The following AFG1L variants were observed in gnomAD, a reference collection of about 807,000 sequenced individuals.
The protein encoded by AFG1L is AFG1 like ATPase.
AFG1L carries 53 observed loss-of-function variants against 62.2 expected under a neutral mutation model. That is an observed-to-expected ratio of 0.85 (90% CI 0.68 to 1.07). AFG1L has a LOEUF of 1.07. Among genes scored for constraint, AFG1L ranks in the 50% least tolerant of loss-of-function variants. The pLI, the probability that AFG1L is intolerant of heterozygous loss-of-function variation, is 0.00. For synonymous variants in AFG1L, 228 were observed against 210.3 expected, an observed-to-expected ratio of 1.08 and a Z score of -0.73; for missense variants, 555 against 590.5, an observed-to-expected ratio of 0.94 and a Z score of 0.62.
intron 2 of AFG1L, among the ~76,000 whole-genome samples, chr6:108,342,218 C>T (rs1185554491): frequency 1.3e-5 from 2 of 152,128 alleles, no homozygotes; most frequent in Admixed American, 6.5e-5. Flanking sequence ...AGGAATGCCT[C>T]CCACAGGCTG....
At chr6:108,359,562 G>A (rs113133002) in intron 5 of AFG1L, 2,873 of 152,250 alleles carry the variant, frequency 0.019, 46 homozygotes, top group Middle Eastern at 0.071. Context: ...CCCTTATTCC[G>A]TATCACAGGA....
intron 8 of AFG1L, among the ~76,000 whole-genome samples, chr6:108,457,603 G>T (rs1772301913): frequency 6.6e-6 from 1 of 151,364 alleles, no homozygotes; most frequent in African/African-American, 2.4e-5. Flanking sequence ...CATTACTTTT[G>T]CTTAAACAGT....
At chr6:108,314,567 CT>C (rs1188824728) in intron 1 of AFG1L, among the ~76,000 whole-genome samples, 1 of 151,874 alleles carries the variant, frequency 6.6e-6, no homozygotes, top group Non-Finnish European at 1.5e-5. Flanking sequence ...CGGCTAATTT[CT>C]TTTGTGTTTT....
intron 2 of AFG1L, among the ~76,000 whole-genome samples, chr6:108,332,975 A>G (rs1399211637): frequency 6.6e-6 from 1 of 152,226 alleles, no homozygotes; most frequent in Non-Finnish European, 1.5e-5. Flanking sequence ...ATTAAAAAGA[A>G]AATAAAAAAG....
intron 8 of AFG1L, among the ~76,000 whole-genome samples, chr6:108,466,795 C>CTA (rs1021957201): frequency 9.4e-4 from 138 of 147,256 alleles, no homozygotes; most frequent in Admixed American, 3.7e-3. Context: ...ATATTTTAAA[C>CTA]TATATATATA....
intron 7 of AFG1L, among the ~76,000 whole-genome samples, chr6:108,408,385 C>T (rs977811506): frequency 6.6e-5 from 10 of 152,126 alleles, no homozygotes; most frequent in African/African-American, 1.9e-4. Context: ...GTTCTTTGCC[C>T]AACTCTGCAT....
chr6:108,525,203 A>AGTT lies in AFG1L; in HGVS notation c.*2779_*2780insTTG, dbSNP rs1775280373. 1 of 152,210 alleles carries AGTT rather than the reference A, an allele frequency of 6.6e-6. No homozygotes were observed. The highest frequency in any genetic ancestry group is 1.5e-5 in the Non-Finnish European group (1 of 68,036). The allele number at this position is 152,210 out of a possible 1,614,324, so 9.4% of individuals were successfully genotyped here. A position where few individuals can be genotyped will look rare whatever the true frequency, so the allele number is the denominator to read the frequency against. ...GATGACTAGTTCCCAGACTTAACAG[A>AGTT]GGTCAAGCGGAGAAAAAGGAAAACT... On this transcript the variant is annotated 3_prime_UTR_variant, in exon 13 of 13. Coordinates refer to ENST00000368977, the MANE Select transcript of AFG1L (RefSeq NM_145315.5).
intron 1 of AFG1L, among the ~76,000 whole-genome samples, chr6:108,306,836 T>G (rs895922713): frequency 2.0e-5 from 3 of 152,208 alleles, no homozygotes; most frequent in African/African-American, 7.2e-5. Flanking sequence ...CCTTCAAGTA[T>G]GGTCAGCCTA....
intron 7 of AFG1L, among the ~76,000 whole-genome samples, chr6:108,437,344 C>A (rs970618408): frequency 6.6e-6 from 1 of 152,238 alleles, no homozygotes; most frequent in Middle Eastern, 3.4e-3. Context: ...GTAATTGTCC[C>A]AGATTACTTT....
chr6:108,428,235 A>G (rs186788995), intron 7 of AFG1L, among the ~76,000 whole-genome samples: 322 of 152,330 alleles, frequency 2.1e-3, no homozygotes, highest in African/African-American at 7.4e-3. Flanking sequence ...TTCACTTGGA[A>G]TAATGGCCTT....
chr6:108,471,933 G>C (rs1327638897), intron 8 of AFG1L, among the ~76,000 whole-genome samples: 1 of 152,114 alleles, frequency 6.6e-6, no homozygotes, highest in Non-Finnish European at 1.5e-5. Context: ...ATGTTAAAAA[G>C]TATCTAAGGA....
At chr6:108,342,893 C>A (rs1284302313) in intron 2 of AFG1L, among the ~76,000 whole-genome samples, 1 of 151,902 alleles carries the variant, frequency 6.6e-6, no homozygotes, top group Non-Finnish European at 1.5e-5. Flanking sequence ...AGGATCTTTT[C>A]TTTGGCACAG....
Position 108,353,968 on chromosome 6 carries a change from G to T in AFG1L, c.416-1686G>T, listed in dbSNP as rs191956953. On this transcript the variant is annotated intron_variant, in intron 3 of 12. Coordinates refer to ENST00000368977, the MANE Select transcript of AFG1L (RefSeq NM_145315.5). ...AAGGAAACCCAAAAGATAAGACTTA[G>T]ATCTTCCTACTTTCTGAAGTGCCTT... Among the ~76,000 whole-genome samples, 217 of 152,288 alleles carry T rather than the reference G, an allele frequency of 1.4e-3. 9 individuals are homozygous for T. Among genetic ancestry groups the T allele is most frequent in the Admixed American group, 0.013 (192 of 15,294 alleles).
intron 6 of AFG1L, among the ~76,000 whole-genome samples, chr6:108,400,564 TAA>T (rs552703175): frequency 1.9e-3 from 267 of 138,486 alleles, no homozygotes; most frequent in African/African-American, 6.8e-3. Flanking sequence ...TATATTTATA[TAA>T]ATATATATTT....
intron 3 of AFG1L, among the ~76,000 whole-genome samples, chr6:108,352,438 A>G (rs1255249036): frequency 6.6e-6 from 1 of 152,230 alleles, no homozygotes; most frequent in Non-Finnish European, 1.5e-5. Context: ...AAAATGGTGT[A>G]GCATTTGCAT....
chr6:108,411,933 G>A (rs1782137115), intron 7 of AFG1L, among the ~76,000 whole-genome samples: 2 of 152,336 alleles, frequency 1.3e-5, no homozygotes, highest in South Asian at 2.1e-4. Flanking sequence ...GAGAGAAGAA[G>A]CCTTCAGACA....
At chr6:108,400,409 A>G (rs1184086031) in intron 6 of AFG1L, among the ~76,000 whole-genome samples, 1 of 151,046 alleles carries the variant, frequency 6.6e-6, no homozygotes, top group Non-Finnish European at 1.5e-5. Flanking sequence ...AGGGATATTG[A>G]GCTTTATCAG....
intron 10 of AFG1L, among the ~76,000 whole-genome samples, chr6:108,485,656 ATTTTTTTTTTTTT>A (rs397842829): frequency 4.8e-4 from 12 of 25,024 alleles, no homozygotes; most frequent in Admixed American, 1.7e-3. Flanking sequence ...ATATATATAT[ATTTTTTTTTTTTT>A]TTTTTTTTTT....
At chr6:108,436,957 G>A (rs1771339414) in intron 7 of AFG1L, among the ~76,000 whole-genome samples, 1 of 152,150 alleles carries the variant, frequency 6.6e-6, no homozygotes, top group Non-Finnish European at 1.5e-5. Flanking sequence ...TAAGATGAGG[G>A]CACCAGCAGA....
Sources: allele counts gnomAD v4.1 joint callset (sites outside exome capture counted in the v4.1 genomes callset), GRCh38; gene constraint gnomAD v4.1.1; transcripts MANE v1.5; gene names NCBI Gene and HGNC (gene_info 2026-07-23, HGNC 2026-07-21).